Variants in GNG7 observed in about 807,000 individuals in gnomAD.
GNG7 encodes the protein guanine nucleotide-binding protein G(I)/G(S)/G(O) subunit gamma-7.
Under a neutral mutation model 4.0 loss-of-function variants are expected in GNG7, and 1 was observed. That is an observed-to-expected ratio of 0.25 (90% CI 0.09 to 1.18). The LOEUF is 1.18. GNG7 is among the 50% of genes most tolerant of loss of function. The pLI is 0.50. For missense variants in GNG7, 86 were observed against 91.9 expected (o/e 0.94, Z 0.26); for synonymous variants, 34 against 36.9 (o/e 0.92, Z 0.29).
At chr19:2,623,817 G>T (rs943596995) in intron 2 of GNG7, among the ~76,000 whole-genome samples, 1 of 152,052 alleles carries the variant, frequency 6.6e-6, no homozygotes, top group African/African-American at 2.4e-5. Context: ...GGAGGCGGAG[G>T]TTGCAGTGAG....
At chr19:2,629,498 C>T (rs1342084347) in intron 2 of GNG7, among the ~76,000 whole-genome samples, 2 of 152,158 alleles carry the variant, frequency 1.3e-5, no homozygotes, top group African/African-American at 4.8e-5. Context: ...GGATTTGAAA[C>T]AAGTCTTCTA....
chr19:2,522,203 C>T (rs555405812), intron 3 of GNG7, among the ~76,000 whole-genome samples: 5 of 152,204 alleles, frequency 3.3e-5, no homozygotes, highest in South Asian at 2.1e-4. Flanking sequence ...CTCCAGGGAA[C>T]GATCCAGCCC....
intron 1 of GNG7, among the ~76,000 whole-genome samples, chr19:2,690,595 T>A (rs991760706): frequency 6.1e-5 from 9 of 146,532 alleles, no homozygotes; most frequent in Non-Finnish European, 1.2e-4. Context: ...GGCTCAGGTC[T>A]TTTTTTTTTT....
chr19:2,526,251 T>C (rs1978392107), intron 3 of GNG7, among the ~76,000 whole-genome samples: 1 of 151,780 alleles, frequency 6.6e-6, no homozygotes, highest in Non-Finnish European at 1.5e-5. Flanking sequence ...ATTAAAGGCG[T>C]GAGCCACTGC....
chr19:2,515,866 A>G (rs1402094315), intron 4 of GNG7, among the ~76,000 whole-genome samples: 1 of 151,920 alleles, frequency 6.6e-6, no homozygotes, highest in Non-Finnish European at 1.5e-5. Flanking sequence ...CCTGGAATAA[A>G]CGTGATTGGA....
intron 4 of GNG7, among the ~76,000 whole-genome samples, chr19:2,519,597 A>T (rs1346781368): frequency 9.2e-5 from 13 of 140,640 alleles, no homozygotes; most frequent in Non-Finnish European, 1.5e-4. Context: ...CACATGCAAA[A>T]TTTTTTTTTT....
At position 2,646,249 on chromosome 19, in the gene GNG7, A is replaced by C. The variant is rs1249765158; in HGVS notation, c.-103T>G. The C allele has an allele frequency of 6.6e-6, 1 of 152,218 alleles. No individual in the cohort carries two copies. 9.4% of individuals were successfully genotyped at this position (152,218 alleles called of 1,614,324 possible). A position where few individuals can be genotyped will look rare whatever the true frequency, so the allele number is the denominator to read the frequency against. The stretch of plus-strand genomic sequence containing the variant: ...CTGTGCAGGAGGTCTCGCCGTCTGC[A>C]GCACCGAGATCCCGAAACCAAGCTC... On this transcript the variant is annotated 5_prime_UTR_variant, in exon 2 of 5. Transcript: ENST00000382159.
At position 2,513,012 on chromosome 19, in the gene GNG7, C is replaced by T; in HGVS notation, c.*2010G>A. On this transcript the variant is annotated 3_prime_UTR_variant, in exon 5 of 5. Coordinates refer to ENST00000382159, the MANE Select transcript of GNG7 (RefSeq NM_052847.3). Reference sequence around the variant, plus strand: ...AACAGCAGGTTTGGCGGGTAGGGCTCCCCGAAGCCCCAGCCCTCCCGGACC... The same window carrying T: ...AACAGCAGGTTTGGCGGGTAGGGCTTCCCGAAGCCCCAGCCCTCCCGGACC... 15 of 985,442 alleles carry T rather than the reference C, an allele frequency of 1.5e-5. No individual in the cohort carries two copies. In the South Asian group the frequency reaches 3.3e-4, roughly 22 times the overall value. 61.0% of individuals were successfully genotyped at this position (985,442 alleles called of 1,614,324 possible). A position where few individuals can be genotyped will look rare whatever the true frequency, so the allele number is the denominator to read the frequency against.
At chr19:2,689,063 C>CA (rs1207399372) in intron 1 of GNG7, among the ~76,000 whole-genome samples, 3 of 137,646 alleles carry the variant, frequency 2.2e-5, no homozygotes, top group South Asian at 4.5e-4. Context: ...GACTCTGTCT[C>CA]AAAAAAAAAT....
intron 2 of GNG7, among the ~76,000 whole-genome samples, chr19:2,603,238 TG>T (rs1490406349): frequency 6.6e-6 from 1 of 152,136 alleles, no homozygotes; most frequent in Non-Finnish European, 1.5e-5. Context: ...GGCTAATTTT[TG>T]TATTTTTAGT....
intron 2 of GNG7, among the ~76,000 whole-genome samples, chr19:2,560,677 C>G (rs963949426): frequency 6.6e-6 from 1 of 152,126 alleles, no homozygotes; most frequent in African/African-American, 2.4e-5. Context: ...TGGAAAAAAG[C>G]TGGGCGCGGT....
chr19:2,532,727 A>G (rs4806864), intron 3 of GNG7, among the ~76,000 whole-genome samples: 65,520 of 152,078 alleles, frequency 0.43, 14,304 homozygotes, highest in South Asian at 0.48. Context: ...GGAAATATGA[A>G]TTAAAGTCAT....
chr19:2,569,085 A>G (rs552439940), intron 2 of GNG7, among the ~76,000 whole-genome samples: 4 of 152,040 alleles, frequency 2.6e-5, no homozygotes, highest in South Asian at 4.1e-4. Context: ...GCATGCAAGC[A>G]CACACACACA....
At chr19:2,549,136 G>A (rs919167129) in intron 3 of GNG7, among the ~76,000 whole-genome samples, 2 of 152,126 alleles carry the variant, frequency 1.3e-5, no homozygotes, top group African/African-American at 4.8e-5. Flanking sequence ...AGAGAACCCT[G>A]ACTCCTGTGC....
At position 2,550,043 on chromosome 19, in the gene GNG7, G is replaced by A. The variant is rs188395519; in HGVS notation, c.-38+5106C>T. On this transcript the variant is annotated intron_variant, in intron 3 of 4. Transcript: ENST00000382159. ...CCAGGAAGTGCCGAGGCCTCTTTCC[G>A]CTCTCAGTGGAAAAGGGAAATGTGG... Among the ~76,000 whole-genome samples the A allele has an allele frequency of 2.6e-3, 402 of 152,322 alleles. 3 individuals are homozygous for A. Among genetic ancestry groups the A allele is most frequent in the African/African-American group, 9.1e-3 (379 of 41,572 alleles).
At chr19:2,678,159 G>A (rs1400579408) in intron 1 of GNG7, among the ~76,000 whole-genome samples, 3 of 152,198 alleles carry the variant, frequency 2.0e-5, no homozygotes, top group Non-Finnish European at 2.9e-5. Context: ...AGTGGAAGAG[G>A]AGGTGGCGGT....
At chr19:2,624,024 A>G (rs1039291387) in intron 2 of GNG7, among the ~76,000 whole-genome samples, 9 of 151,960 alleles carry the variant, frequency 5.9e-5, no homozygotes, top group Admixed American at 1.3e-4. Flanking sequence ...AGTACAAGGG[A>G]AGCAGGATGG....
At chr19:2,690,120 G>A (rs373070178) in intron 1 of GNG7, among the ~76,000 whole-genome samples, 15 of 152,088 alleles carry the variant, frequency 9.9e-5, no homozygotes, top group African/African-American at 1.9e-4. Context: ...GGTGGCTCAC[G>A]TCTGTAATCC....
At chr19:2,551,340 C>A (rs1351525726) in intron 3 of GNG7, among the ~76,000 whole-genome samples, 1 of 152,144 alleles carries the variant, frequency 6.6e-6, no homozygotes, top group African/African-American at 2.4e-5. Context: ...GCACATGCGA[C>A]CCCTCGGCCA....
Sources: allele counts gnomAD v4.1 joint callset (sites outside exome capture counted in the v4.1 genomes callset), GRCh38; gene constraint gnomAD v4.1.1; transcripts MANE v1.5; gene names NCBI Gene and HGNC (gene_info 2026-07-23, HGNC 2026-07-21).